MEGF8: variants seen among roughly 807,000 people sequenced by gnomAD.
MEGF8 encodes multiple EGF like domains 8.
A neutral mutation model predicts 302.9 loss-of-function variants in MEGF8; 156 were observed. That is an observed-to-expected ratio of 0.52 (90% CI 0.45 to 0.59). MEGF8 has a LOEUF of 0.59. Among genes scored for constraint, MEGF8 ranks in the 20% least tolerant of loss-of-function variants. The probability of loss-of-function intolerance (pLI) is 0.00; values close to 1 mark genes in which losing one functional copy is unlikely to be tolerated. For missense variants in MEGF8, 3,345 were observed against 3,964.5 expected (o/e 0.84, Z 4.20); for synonymous variants, 1,621 against 1,660.5 (o/e 0.98, Z 0.58).
chr19:42,373,200 C>T (rs1050461685), intron 41 of MEGF8, among the ~76,000 whole-genome samples: 3 of 151,270 alleles, frequency 2.0e-5, no homozygotes, highest in Admixed American at 6.6e-5. Flanking sequence ...TCAAGCGATT[C>T]TCCTGCCTCA....
intron 8 of MEGF8, among the ~76,000 whole-genome samples, chr19:42,338,801 C>CTTTTTTTTT (rs113443328): frequency 1.8e-5 from 1 of 54,362 alleles, no homozygotes; most frequent in South Asian, 5.7e-4. Context: ...ACCACATTTT[C>CTTTTTTTTT]TTTTTTTTTT....
intron 1 of MEGF8, among the ~76,000 whole-genome samples, chr19:42,329,448 A>T (rs1031166490): frequency 2.6e-5 from 4 of 152,140 alleles, no homozygotes; most frequent in Non-Finnish European, 5.9e-5. Context: ...CCAACTGGGT[A>T]GATGTTGGGG....
chr19:42,328,673 C>T (rs1412716930), intron 1 of MEGF8, among the ~76,000 whole-genome samples: 5 of 151,788 alleles, frequency 3.3e-5, no homozygotes, highest in African/African-American at 9.7e-5. Flanking sequence ...CGGTGGCTCA[C>T]GCCTGTAATC....
rs1406362060 is a variant in MEGF8 at position 42,353,976 on chromosome 19, T to C, written c.3963T>C (p.Cys1321=). The C allele has an allele frequency of 3.2e-6, 5 of 1,582,146 alleles. No homozygotes were observed. In the South Asian group the frequency reaches 3.5e-5, roughly 11 times the overall value. ...ELQPCAPGTL[C]PPLTLTFSPD... is the part of the protein sequence containing the mutation. ...AGCCCTGTGCTCCCGGGACCCTCTG[T>C]CCCCCACTCACCCTCACCTTCTCCC... The change falls in exon 22 of 42, where the codon TGT becomes TGC. Residue 1321 remains cysteine (C), a synonymous_variant. Transcript: ENST00000251268. The surrounding 1 kb of genome is among the most constrained non-coding windows in gnomAD (Gnocchi z 6.1).
rs963887806 is a variant in MEGF8, at chr19:42,330,619, A to G, written c.188-2986A>G. Among the ~76,000 whole-genome samples the G allele has an allele frequency of 3.9e-5, 6 of 152,132 alleles. No individual in the cohort carries two copies. In the East Asian group the frequency reaches 7.7e-4, roughly 20 times the overall value. ...CTTTTATGTATTTCTTCATTTCATCATCCAGCATTTCCTGAGCCTTTGCCA... is the reference window on the plus strand; with the variant it reads ...CTTTTATGTATTTCTTCATTTCATCGTCCAGCATTTCCTGAGCCTTTGCCA... On this transcript the variant is annotated intron_variant, in intron 1 of 41. Coordinates refer to ENST00000251268, the MANE Select transcript of MEGF8 (RefSeq NM_001271938.2).
chr19:42,337,099 C>A lies in MEGF8; in HGVS notation c.1406C>A (p.Thr469Asn), dbSNP rs2039139350. 2 of 1,613,994 alleles carry A rather than the reference C, an allele frequency of 1.2e-6. No individual in the cohort carries two copies. The highest frequency in any genetic ancestry group is 2.2e-5 in the South Asian group (2 of 91,078). The stretch of plus-strand genomic sequence containing the variant: ...CCATTCCCAGGGGGCAATGTGCACA[C>A]CCATTACCAGGAGGAAAAGTGCTAC... ...YMVVYGGNVH[T>N]HYQEEKCYED... The change falls in exon 8 of 42, where the codon ACC (threonine) becomes AAC (asparagine). Residue 469 changes from threonine to asparagine, a missense_variant. Physicochemically the swap from Thr to Asn is moderately conservative, Grantham distance 65. Coordinates refer to ENST00000251268, the MANE Select transcript of MEGF8 (RefSeq NM_001271938.2).
Position 42,358,857 on chromosome 19 carries a change from C to T in MEGF8, c.5246C>T (p.Ser1749Leu). Residue 1749 changes from serine (S) to leucine (L), a missense_variant, in exon 30 of 42, where the codon TCA (serine) becomes TTA (leucine). Coordinates refer to ENST00000251268, the MANE Select transcript of MEGF8 (RefSeq NM_001271938.2). This position sits in a 1 kb window ranked among gnomAD's most constrained non-coding sequence, Gnocchi z 4.4. ...CAAGTTCCTGGGGAGCAGCCTGGGTCATGGGGGTTCCGGGAAGTCAGGAAG... is the reference window on the plus strand; with the variant it reads ...CAAGTTCCTGGGGAGCAGCCTGGGTTATGGGGGTTCCGGGAAGTCAGGAAG... ...LGQVPGEQPG[S>L]WGFREVRKKM... is the part of the protein sequence containing the mutation. The T allele has an allele frequency of 1.2e-5, 20 of 1,609,202 alleles. No individual in the cohort carries two copies. Among genetic ancestry groups the T allele is most frequent in the Non-Finnish European group, 1.5e-5 (18 of 1,177,810 alleles).
chr19:42,375,504 C>A lies in MEGF8; in HGVS notation c.7270-3C>A. On this transcript the variant is annotated splice_polypyrimidine_tract_variant and splice_region_variant and intron_variant, in intron 41 of 41. Transcript: ENST00000251268. This position sits in a 1 kb window ranked among gnomAD's most constrained non-coding sequence, Gnocchi z 7.1. ...TGGTCACCGCCTCTAACCCTGCCCG[C>A]AGTGCGCCAAGTGCCGGGAATCATT... The A allele has an allele frequency of 6.4e-7, 1 of 1,574,382 alleles. No individual in the cohort carries two copies. Among genetic ancestry groups the A allele is most frequent in the Admixed American group, 1.8e-5 (1 of 54,158 alleles).
intron 41 of MEGF8, among the ~76,000 whole-genome samples, chr19:42,374,874 G>A (rs1483089751): frequency 1.3e-5 from 2 of 152,224 alleles, no homozygotes; most frequent in Admixed American, 1.3e-4. Context: ...GCCAGGGAAG[G>A]CCTAGGTGAG....
At chr19:42,340,184 A>G (rs1348115794) in intron 8 of MEGF8, among the ~76,000 whole-genome samples, 4 of 152,216 alleles carry the variant, frequency 2.6e-5, no homozygotes, top group Non-Finnish European at 5.9e-5. Flanking sequence ...TCCTTCAAGA[A>G]TGATGCCCAG....
intron 35 of MEGF8, among the ~76,000 whole-genome samples, chr19:42,364,338 C>G (rs886915418): frequency 1.3e-5 from 2 of 152,188 alleles, no homozygotes; most frequent in East Asian, 1.9e-4. Context: ...TCACCTCCCA[C>G]TGTCACATGT....
rs375164256 is a variant in MEGF8, at chr19:42,333,975, C to G, written c.352-32C>G. The G allele has an allele frequency of 1.1e-5, 17 of 1,597,822 alleles. No homozygotes were observed. The Admixed American group carries it at 1.4e-4, about 13-fold the overall frequency. On this transcript the variant is annotated intron_variant, in intron 2 of 41. Transcript: ENST00000251268. The stretch of plus-strand genomic sequence containing the variant: ...CTCCCAGGACAATCCCCAGGCCCTG[C>G]CCACCTTACCCAGCACACCTTGTGC...
At position 42,355,920 on chromosome 19, in the gene MEGF8, C is replaced by G; in HGVS notation, c.4307C>G (p.Pro1436Arg). ...GCAGGTGCGGGGCTCTGCCGATGTC[C>G]TCAGGGCTGGGCTGGCCCACACTGC... The part of the protein sequence containing the change: ...GAAGAGLCRC[P>R]QGWAGPHCRM... The change falls in exon 24 of 42, where the codon CCT becomes CGT. Residue 1436 changes from proline to arginine, a missense_variant. By Grantham distance (103) the Pro-to-Arg change is moderately radical. Coordinates refer to ENST00000251268, the MANE Select transcript of MEGF8 (RefSeq NM_001271938.2). 1 of 1,603,334 alleles carries G rather than the reference C, an allele frequency of 6.2e-7. No homozygotes were observed. Among genetic ancestry groups the G allele is most frequent in the Non-Finnish European group, 8.5e-7 (1 of 1,175,730 alleles).
chr19:42,363,288 C>A, intron 35 of MEGF8, 26 bp downstream of exon 35: 1 of 1,559,134 alleles, frequency 6.4e-7, no homozygotes, highest in Admixed American at 1.9e-5. Context: ...AGGACCGTGC[C>A]AGGCAAGGGC....
chr19:42,366,609 A>T (rs975045234), intron 35 of MEGF8, among the ~76,000 whole-genome samples: 6 of 152,116 alleles, frequency 3.9e-5, no homozygotes, highest in African/African-American at 1.4e-4. Context: ...TCTTCAGCGA[A>T]TTTATCATTG....
Position 42,354,058 on chromosome 19 carries a change from G to A in MEGF8, c.4011+34G>A, listed in dbSNP as rs140506546. The A allele has an allele frequency of 3.1e-4, 486 of 1,567,850 alleles. No individual in the cohort carries two copies. Among genetic ancestry groups the A allele is most frequent in the Non-Finnish European group, 4.7e-5 (55 of 1,157,994 alleles). On this transcript the variant is annotated intron_variant, in intron 22 of 41. Coordinates refer to ENST00000251268, the MANE Select transcript of MEGF8 (RefSeq NM_001271938.2). This position sits in a 1 kb window ranked among gnomAD's most constrained non-coding sequence, Gnocchi z 4.3. ...TGAGGAAACGAGGGTTCAGGCGCAT[G>A]AGCCAGAACCGTGTCCCCTGACCCA...
intron 32 of MEGF8, 108 bp downstream of exon 32, chr19:42,361,114 G>A (rs887406461): frequency 2.5e-5 from 30 of 1,193,368 alleles, no homozygotes; most frequent in Non-Finnish European, 3.4e-5. Flanking sequence ...TCTGGTTCAG[G>A]AAAGGGGTGA....
chr19:42,375,850 C>CAGATGG lies in MEGF8; in HGVS notation c.7613_7614insAGATGG (p.Pro2538_Ala2539insAspGly). 1 of 1,609,496 alleles carries CAGATGG rather than the reference C, an allele frequency of 6.2e-7. No homozygotes were observed. The highest frequency in any genetic ancestry group is 8.5e-7 in the Non-Finnish European group (1 of 1,178,446). ...CCAGCCCCACCACCTCCACCACCCC[C>CAGATGG]TGCAGATGGTGGGCCCCGGGGGGCT... On this transcript the variant is annotated inframe_insertion, in exon 42 of 42. Transcript: ENST00000251268. This position sits in a 1 kb window ranked among gnomAD's most constrained non-coding sequence, Gnocchi z 7.1.
rs1311819831 is a variant in MEGF8, at chr19:42,352,253, C to T, written c.3147C>T (p.Cys1049=). Residue 1049 remains cysteine, a synonymous_variant, in exon 19 of 42, where the codon TGC becomes TGT. Coordinates refer to ENST00000251268, the MANE Select transcript of MEGF8 (RefSeq NM_001271938.2). The surrounding 1 kb of genome is among the most constrained non-coding windows in gnomAD (Gnocchi z 4.4). ...DFSGPLGGGN[C]SLWVGEGLGL... The stretch of plus-strand genomic sequence containing the variant: ...CAGGGCCCCTCGGTGGGGGTAACTG[C>T]TCCCTGTGGGTGGGGGAGGGCCTGG... 5.8e-6 allele frequency: 9 copies of T among 1,560,746 alleles called. No individual in the cohort carries two copies. The highest frequency in any genetic ancestry group is 1.4e-5 in the African/African-American group (1 of 73,916).
Sources: allele counts gnomAD v4.1 joint callset (sites outside exome capture counted in the v4.1 genomes callset), GRCh38; gene constraint gnomAD v4.1.1; non-coding constraint Gnocchi (gnomAD v3.1); transcripts MANE v1.5; gene names NCBI Gene and HGNC (gene_info 2026-07-23, HGNC 2026-07-21).